ZNF251: variants seen among roughly 807,000 people sequenced by gnomAD.
ZNF251 encodes zinc finger protein 251.
In ZNF251, 14 loss-of-function variants were observed where a neutral mutation model predicts 13.5. The observed-to-expected ratio is 1.04, with a 90% CI of 0.69 to 1.63. The LOEUF (loss-of-function observed/expected upper bound fraction) is 1.63, where lower values mean the gene tolerates loss of function less well. Ranked by LOEUF, ZNF251 falls within the 40% of genes most tolerant of loss-of-function variation. ZNF251 has a pLI of 0.00. For missense variants in ZNF251, 764 were observed against 834.9 expected, an observed-to-expected ratio of 0.92 and a Z score of 1.05; for synonymous variants, 287 against 295.2, an observed-to-expected ratio of 0.97 and a Z score of 0.28.
chr8:144,742,070 C>T (rs771914275), intron 4 of ZNF251, among the ~76,000 whole-genome samples: 11 of 152,044 alleles, frequency 7.2e-5, no homozygotes, highest in Non-Finnish European at 1.0e-4. Flanking sequence ...GGAACCGAAA[C>T]GACAGGCAGC....
intron 4 of ZNF251, among the ~76,000 whole-genome samples, chr8:144,736,043 C>T (rs1032533664): frequency 1.3e-5 from 2 of 152,188 alleles, no homozygotes; most frequent in Admixed American, 6.5e-5. Flanking sequence ...GACTAAGAAC[C>T]GGACCCTCAT....
At chr8:144,732,608 G>C (rs12681812) in intron 4 of ZNF251, among the ~76,000 whole-genome samples, 9,922 of 150,834 alleles carry the variant, frequency 0.066, 1,100 homozygotes, top group East Asian at 0.52. Context: ...GTCAGGAGAT[G>C]GAGACCATCC....
chr8:144,728,477 C>G (rs1823584015), intron 4 of ZNF251, among the ~76,000 whole-genome samples: 1 of 151,834 alleles, frequency 6.6e-6, no homozygotes, highest in Admixed American at 6.6e-5. Context: ...TCCTGGCTAA[C>G]ATGGTGAAAC....
intron 4 of ZNF251, among the ~76,000 whole-genome samples, chr8:144,747,342 A>G (rs1358903535): frequency 2.6e-5 from 4 of 151,360 alleles, no homozygotes; most frequent in African/African-American, 9.8e-5. Context: ...TCTATTCTTC[A>G]AGTATGTTAA....
At chr8:144,748,513 G>A (rs1326725443) in intron 4 of ZNF251, among the ~76,000 whole-genome samples, 2 of 151,908 alleles carry the variant, frequency 1.3e-5, no homozygotes, top group African/African-American at 4.8e-5. Context: ...TTTAAAGTGG[G>A]CTTCTTTTCT....
In ZNF251 at chr8:144,729,935, T is replaced by A. The variant is rs1823644041; in HGVS notation, c.278-6553A>T. The A allele has an allele frequency of 5.3e-6, 3 of 568,846 alleles. No homozygotes were observed. In the South Asian group the frequency reaches 2.3e-4, roughly 44 times the overall value. 35.2% of individuals were successfully genotyped at this position (568,846 alleles called of 1,614,324 possible). ...CATGTGTTTTTTGTGACTACTCAGA[T>A]AAAGATGTTCAATTGTAACAGTTTC... On this transcript the variant is annotated intron_variant, in intron 4 of 4. Transcript: ENST00000292562.
intron 4 of ZNF251, among the ~76,000 whole-genome samples, chr8:144,732,995 G>GT (rs1385223172): frequency 2.0e-5 from 3 of 151,934 alleles, no homozygotes; most frequent in Non-Finnish European, 4.4e-5. Context: ...GCTGAGGCGG[G>GT]TGGATCATCT....
chr8:144,722,997 A>T lies in ZNF251; in HGVS notation c.663T>A (p.Asn221Lys). Residue 221 changes from asparagine to lysine, a missense_variant, in exon 5 of 5, where the codon AAT (asparagine) becomes AAA (lysine). Coordinates refer to ENST00000292562, the MANE Select transcript of ZNF251 (RefSeq NM_138367.2). This position sits in a 1 kb window ranked among gnomAD's most constrained non-coding sequence, Gnocchi z 4.8. ...TTCTCTGGTGTCTACTTAGGTCTGA[A>T]TTATATTTGAAGGTTTTGCTGCATA... The part of the protein sequence containing the change: ...CDICSKTFKY[N>K]SDLSRHQRSH... The T allele has an allele frequency of 6.2e-7, 1 of 1,613,910 alleles. No homozygotes were observed. The highest frequency in any genetic ancestry group is 1.1e-5 in the South Asian group (1 of 91,068).
intron 4 of ZNF251, among the ~76,000 whole-genome samples, chr8:144,733,889 G>A (rs777649742): frequency 9.9e-5 from 15 of 152,238 alleles, no homozygotes; most frequent in Middle Eastern, 3.2e-3. Context: ...GGGAGGGAGC[G>A]CACCCATGCT....
chr8:144,745,900 ACAT>A (rs1365705413), intron 4 of ZNF251, among the ~76,000 whole-genome samples: 2 of 152,120 alleles, frequency 1.3e-5, no homozygotes, highest in African/African-American at 2.4e-5. Flanking sequence ...CAGAGGACTG[ACAT>A]CATGATAATA....
At chr8:144,740,520 C>T (rs1316586184) in intron 4 of ZNF251, among the ~76,000 whole-genome samples, 3 of 151,950 alleles carry the variant, frequency 2.0e-5, no homozygotes, top group East Asian at 1.9e-4. Context: ...CCTGTAATCC[C>T]AGCTACTTGG....
intron 4 of ZNF251, among the ~76,000 whole-genome samples, chr8:144,735,711 C>G (rs1823865538): frequency 6.6e-6 from 1 of 152,208 alleles, no homozygotes. Context: ...ACAGCCAGAG[C>G]TCACTGTAGA....
intron 4 of ZNF251, among the ~76,000 whole-genome samples, chr8:144,733,718 AC>A (rs2129967635): frequency 6.6e-6 from 1 of 151,952 alleles, no homozygotes; most frequent in South Asian, 2.1e-4. Flanking sequence ...CCTCGCGCCG[AC>A]CTCCATGTGG....
At chr8:144,740,259 T>G (rs760191395) in intron 4 of ZNF251, among the ~76,000 whole-genome samples, 7 of 152,220 alleles carry the variant, frequency 4.6e-5, no homozygotes, top group Non-Finnish European at 7.4e-5. Context: ...CACTCTAGCC[T>G]GGGCAACAAG....
At chr8:144,753,885 G>A (rs1441012740) in intron 3 of ZNF251, 89 bp from the exon 4 acceptor site, 1 of 1,001,284 alleles carries the variant, frequency 1.0e-6, no homozygotes, top group Non-Finnish European at 1.5e-6. Flanking sequence ...GTGCACGTGT[G>A]TACGCCTGCA....
chr8:144,742,614 A>G (rs1824217352), intron 4 of ZNF251, among the ~76,000 whole-genome samples: 2 of 152,186 alleles, frequency 1.3e-5, no homozygotes, highest in South Asian at 4.2e-4. Context: ...TGGGTTTTGC[A>G]TCCACCACTG....
intron 4 of ZNF251, among the ~76,000 whole-genome samples, chr8:144,752,135 C>CAAAAA (rs745386892): frequency 2.3e-5 from 2 of 86,190 alleles, no homozygotes; most frequent in South Asian, 3.7e-4. Context: ...ATAACTAGAC[C>CAAAAA]AAAAAAAAAA....
In ZNF251 at chr8:144,734,860, G is replaced by T. The variant is rs1466765463; in HGVS notation, c.278-11478C>A. ...AGGCCGAGGTGGGTAGATCACCTGA[G>T]GTCAGGAGTTTGAGACCAGCCTGAC... is the stretch of plus-strand genomic sequence containing the variant. On this transcript the variant is annotated intron_variant, in intron 4 of 4. Transcript: ENST00000292562. The surrounding 1 kb of genome is among the most constrained non-coding windows in gnomAD (Gnocchi z 4.4). 6.7e-6 allele frequency among the ~76,000 whole-genome samples: 1 copy of T among 149,862 alleles called. No homozygotes were observed. The highest frequency in any genetic ancestry group is 2.1e-4 in the South Asian group (1 of 4,690).
chr8:144,755,463 C>G lies in ZNF251; in HGVS notation c.-134G>C. On this transcript the variant is annotated 5_prime_UTR_variant, in exon 1 of 5. Transcript: ENST00000292562. ...GCGCCGAGGAGCTGCGCAGTCGCAC[C>G]GAGCCCGGAACGGACCCTCCCACAG... The G allele has an allele frequency of 7.8e-7, 1 of 1,287,686 alleles. No homozygotes were observed. The highest frequency in any genetic ancestry group is 1.0e-6 in the Non-Finnish European group (1 of 988,754). 79.8% of individuals were successfully genotyped at this position (1,287,686 alleles called of 1,614,324 possible).
Sources: gnomAD v4.1 joint callset for allele counts (sites outside exome capture counted in the v4.1 genomes callset) on GRCh38, gnomAD v4.1.1 for gene constraint, Gnocchi (gnomAD v3.1) non-coding constraint, MANE v1.5 for transcripts, NCBI Gene and HGNC (gene_info 2026-07-23, HGNC 2026-07-21) for gene names.